Variants in PALM2AKAP2 observed in about 807,000 individuals in gnomAD.
PALM2AKAP2 encodes PALM2-AKAP2 fusion protein.
In PALM2AKAP2, 37 loss-of-function variants were observed where a neutral mutation model predicts 71.5. The ratio of observed to expected loss-of-function variants is 0.52; its 90% CI spans 0.40 to 0.68. The LOEUF (loss-of-function observed/expected upper bound fraction) is 0.68. Among genes scored for constraint, PALM2AKAP2 ranks in the 30% least tolerant of loss-of-function variants. The pLI is 0.00. For synonymous variants in PALM2AKAP2, 468 were observed against 478.8 expected (o/e 0.98, Z 0.29); for missense variants, 1,224 against 1,191.8 (o/e 1.03, Z -0.40).
exon 4 of PALM2AKAP2, chr9:110,172,017 C>G (rs140521657): frequency 1.3e-5 from 2 of 152,352 alleles, no homozygotes; most frequent in Admixed American, 1.3e-4. Flanking sequence ...ACATATAAGC[C>G]GTATATAGAT....
At chr9:110,015,437 T>C (rs1349691427) in intron 6 of PALM2AKAP2, among the ~76,000 whole-genome samples, 1 of 152,058 alleles carries the variant, frequency 6.6e-6, no homozygotes. Flanking sequence ...CCATCTCTAC[T>C]AAAAATACAA....
Position 110,168,380 on chromosome 9 carries a change from T to C in PALM2AKAP2, c.2749-19T>C, listed in dbSNP as rs1564345238. On this transcript the variant is annotated intron_variant, in intron 3 of 3. Transcript: ENST00000374525. ...TAACATCCATGAACTCTGCATAATT[T>C]TTTCCCCTCTCTTTACAGGTCCTCG... The C allele has an allele frequency of 6.2e-7, 1 of 1,611,456 alleles. No homozygotes were observed. Among genetic ancestry groups the C allele is most frequent in the Non-Finnish European group, 8.5e-7 (1 of 1,179,350 alleles).
chr9:110,109,851 A>G (rs1564310247), intron 1 of PALM2AKAP2, among the ~76,000 whole-genome samples: 3 of 152,294 alleles, frequency 2.0e-5, no homozygotes, highest in African/African-American at 4.8e-5. Context: ...AAAACTAAAA[A>G]TAGAAGTACC....
chr9:109,841,525 AAAG>A (rs1340266172), intron 1 of PALM2AKAP2, among the ~76,000 whole-genome samples: 11 of 99,840 alleles, frequency 1.1e-4, no homozygotes, highest in African/African-American at 4.1e-4. Context: ...TAAAAAAAAA[AAAG>A]AAAAAGGGTG....
chr9:109,880,853 T>C (rs999782496), intron 3 of PALM2AKAP2, among the ~76,000 whole-genome samples, 172 bp downstream of exon 3: 4 of 152,252 alleles, frequency 2.6e-5, no homozygotes, highest in African/African-American at 9.6e-5. Flanking sequence ...CCCAGAGTTA[T>C]GACACAGAGT....
At chr9:109,797,479 TTTGGTTTGCC>T (rs1489645889) in intron 1 of PALM2AKAP2, among the ~76,000 whole-genome samples, 1 of 152,194 alleles carries the variant, frequency 6.6e-6, no homozygotes, top group Non-Finnish European at 1.5e-5. Flanking sequence ...GAACTTGCAA[TTTGGTTTGCC>T]TAGATCCTGG....
chr9:109,712,921 C>T (rs1348046167), intron 1 of PALM2AKAP2, among the ~76,000 whole-genome samples: 1 of 152,226 alleles, frequency 6.6e-6, no homozygotes, highest in Non-Finnish European at 1.5e-5. Flanking sequence ...GCTTATGCAA[C>T]ATTTGGTCCT....
At chr9:109,741,634 G>A (rs1453838946) in intron 1 of PALM2AKAP2, among the ~76,000 whole-genome samples, 1 of 152,172 alleles carries the variant, frequency 6.6e-6, no homozygotes, top group Non-Finnish European at 1.5e-5. Context: ...TATGTCTGGT[G>A]GGTTTGTTTG....
chr9:110,141,149 G>C (rs1271162647), intron 2 of PALM2AKAP2, among the ~76,000 whole-genome samples: 1 of 152,080 alleles, frequency 6.6e-6, no homozygotes, highest in African/African-American at 2.4e-5. Context: ...TTGTCCATCA[G>C]GCTTCCCCAC....
chr9:110,022,374 T>A (rs1833087480), intron 7 of PALM2AKAP2, among the ~76,000 whole-genome samples: 1 of 152,156 alleles, frequency 6.6e-6, no homozygotes, highest in South Asian at 2.1e-4. Flanking sequence ...ATCCCTCTGC[T>A]AAGGCCCTGC....
At chr9:110,060,135 A>T (rs1833931912) in intron 1 of PALM2AKAP2, among the ~76,000 whole-genome samples, 1 of 150,992 alleles carries the variant, frequency 6.6e-6, no homozygotes, top group Non-Finnish European at 1.5e-5. Context: ...TTTGTTTTAG[A>T]TGAGTCTTGC....
intron 1 of PALM2AKAP2, among the ~76,000 whole-genome samples, chr9:109,826,983 G>T (rs931777483): frequency 6.6e-6 from 1 of 152,116 alleles, no homozygotes; most frequent in Non-Finnish European, 1.5e-5. Flanking sequence ...AATAAGTGAT[G>T]AACAAGCCCA....
Position 110,057,391 on chromosome 9 carries a change from T to G in PALM2AKAP2, c.156+8536T>G, listed in dbSNP as rs943913621. Among the ~76,000 whole-genome samples, 32 of 43,646 alleles carry G rather than the reference T, an allele frequency of 7.3e-4. 1 individual carries two copies. The highest frequency in any genetic ancestry group is 3.3e-3 in the East Asian group (10 of 3,006). 28.6% of individuals were successfully genotyped at this position (43,646 alleles called of 152,430 possible). ...GTTTTTTTTTTTTTTGTTTTTTTGT[T>G]TTTTTTTTTGCAACAGAGACTCGCT... On this transcript the variant is annotated intron_variant, in intron 1 of 3. Transcript: ENST00000374525.
At chr9:109,967,996 A>G (rs1401318063) in intron 6 of PALM2AKAP2, among the ~76,000 whole-genome samples, 3 of 152,210 alleles carry the variant, frequency 2.0e-5, no homozygotes, top group Non-Finnish European at 4.4e-5. Context: ...TCTCTGCAAT[A>G]GTTCTGGTGT....
At position 109,879,705 on chromosome 9, in the gene PALM2AKAP2, T is replaced by G. The variant is rs574575098; in HGVS notation, c.127-846T>G. 3.3e-5 allele frequency among the ~76,000 whole-genome samples: 5 copies of G among 151,846 alleles called. No individual in the cohort carries two copies. The East Asian group carries it at 7.7e-4, about 23-fold the overall frequency. On this transcript the variant is annotated intron_variant, in intron 2 of 9. Coordinates refer to the PALM2AKAP2 transcript ENST00000302798. ...TGCAAACATGGGATGTATGGTTTTT[T>G]TTTTTTTTTTTGACAGGGTCTCGTT...
chr9:109,997,850 T>C (rs1832605597), intron 6 of PALM2AKAP2, among the ~76,000 whole-genome samples: 1 of 152,208 alleles, frequency 6.6e-6, no homozygotes, highest in African/African-American at 2.4e-5. Context: ...GGGGCAGAGC[T>C]TCCCATCCAG....
intron 1 of PALM2AKAP2, among the ~76,000 whole-genome samples, chr9:109,830,785 C>G (rs533022176): frequency 5.5e-4 from 83 of 152,268 alleles, no homozygotes; most frequent in African/African-American, 1.9e-3. Flanking sequence ...GAAGAACTCC[C>G]CATGTTACCA....
intron 6 of PALM2AKAP2, among the ~76,000 whole-genome samples, chr9:110,003,547 C>T (rs1832721642): frequency 6.6e-6 from 1 of 152,054 alleles, no homozygotes; most frequent in South Asian, 2.1e-4. Flanking sequence ...CTATTAGGTC[C>T]ACTTGGTGCA....
exon 2 of PALM2AKAP2, chr9:110,136,875 A>G (rs2119104769): frequency 6.2e-7 from 1 of 1,614,184 alleles, no homozygotes; most frequent in Non-Finnish European, 8.5e-7. Context: ...AGGCCTTCAG[A>G]GGAGATGCTG....
Sources: allele counts gnomAD v4.1 joint callset (sites outside exome capture counted in the v4.1 genomes callset), GRCh38; gene constraint gnomAD v4.1.1; transcripts MANE v1.5; gene names NCBI Gene and HGNC (gene_info 2026-07-23, HGNC 2026-07-21).